Variants in TASP1 observed in about 807,000 individuals in gnomAD.
TASP1 encodes the protein taspase 1.
Under a neutral mutation model 56.6 loss-of-function variants are expected in TASP1, and 16 were observed. The observed-to-expected ratio is 0.28, with a 90% CI of 0.19 to 0.43. The LOEUF (loss-of-function observed/expected upper bound fraction) is 0.43, where lower values mean the gene tolerates loss of function less well. Ranked by LOEUF, TASP1 falls within the 20% of genes least tolerant of loss-of-function variation. The pLI is 1.00. For missense variants in TASP1, 393 were observed against 511.6 expected (o/e 0.77, Z 2.24); for synonymous variants, 179 against 184.2 (o/e 0.97, Z 0.23).
At chr20:13,633,851 T>C (rs1243293427) in intron 1 of TASP1, among the ~76,000 whole-genome samples, 2 of 151,812 alleles carry the variant, frequency 1.3e-5, no homozygotes, top group South Asian at 4.2e-4. Flanking sequence ...AAAACTTCTA[T>C]CAATCACTTT....
chr20:13,318,929 A>T, the TASP1 span, among the ~76,000 whole-genome samples: 6 of 152,328 alleles, frequency 3.9e-5, no homozygotes, highest in African/African-American at 1.4e-4. Flanking sequence ...AAACTATGCT[A>T]TGTGTTACTA....
the TASP1 span, among the ~76,000 whole-genome samples, chr20:13,155,667 A>G: frequency 6.6e-6 from 1 of 152,078 alleles, no homozygotes; most frequent in East Asian, 1.9e-4. Context: ...TCTACAAAAA[A>G]TACAAAAAAC....
At chr20:13,212,502 C>G in the TASP1 span, among the ~76,000 whole-genome samples, 12 of 152,278 alleles carry the variant, frequency 7.9e-5, no homozygotes, top group East Asian at 2.3e-3. Flanking sequence ...TGTTAACTCA[C>G]AGAAACACAC....
rs1601394155 is a variant in TASP1, at chr20:13,598,478, T to G, written c.283-11108A>C. ...ATGGTGCTGGGAAAACTGGCTAGCC[T>G]TATGTAGAAAGCTGAAACTGGATCC... On this transcript the variant is annotated intron_variant, in intron 4 of 13. Transcript: ENST00000337743. Among the ~76,000 whole-genome samples the G allele has an allele frequency of 2.6e-5, 4 of 152,176 alleles. No homozygotes were observed. The South Asian group carries it at 6.2e-4, about 24-fold the overall frequency.
chr20:13,186,897 C>A, the TASP1 span, among the ~76,000 whole-genome samples: 2 of 152,270 alleles, frequency 1.3e-5, no homozygotes, highest in Admixed American at 1.3e-4. Flanking sequence ...ATCTTCATAA[C>A]TAGACTTAGA....
the TASP1 span, among the ~76,000 whole-genome samples, chr20:13,215,222 T>C: frequency 6.6e-6 from 1 of 152,248 alleles, no homozygotes; most frequent in African/African-American, 2.4e-5. Context: ...GAATGTCTAT[T>C]TAATTCTCTG....
At chr20:13,418,527 C>T (rs2042336186) in intron 12 of TASP1, among the ~76,000 whole-genome samples, 1 of 152,130 alleles carries the variant, frequency 6.6e-6, no homozygotes, top group African/African-American at 2.4e-5. Flanking sequence ...CAAAGCTCTT[C>T]CTTCAGCAGA....
chr20:13,241,117 C>G, the TASP1 span, among the ~76,000 whole-genome samples: 8 of 151,996 alleles, frequency 5.3e-5, no homozygotes, highest in Non-Finnish European at 1.2e-4. Context: ...AAAGATGAGG[C>G]CAGAGAAGTG....
In TASP1 at chr20:13,539,012, C is replaced by T. The variant is rs1196431376; in HGVS notation, c.676-4871G>A. ...GCAGTGAGCCGAGATCACGCCACTG[C>T]ACTCCAGCCTGGGTGACACAGTGAG... On this transcript the variant is annotated intron_variant, in intron 8 of 13. Transcript: ENST00000337743. Among the ~76,000 whole-genome samples the T allele has an allele frequency of 2.0e-5, 3 of 152,146 alleles. No homozygotes were observed. The East Asian group carries it at 5.8e-4, about 29-fold the overall frequency.
intron 11 of TASP1, among the ~76,000 whole-genome samples, chr20:13,454,837 C>T (rs1448439124): frequency 6.6e-6 from 1 of 152,076 alleles, no homozygotes; most frequent in Non-Finnish European, 1.5e-5. Context: ...CATCCTAATT[C>T]AGCAGAGCTC....
At chr20:13,112,504 AC>A in the TASP1 span, among the ~76,000 whole-genome samples, 1 of 152,130 alleles carries the variant, frequency 6.6e-6, no homozygotes, top group Non-Finnish European at 1.5e-5. Context: ...GGTGAAATAG[AC>A]CCTACCCCCT....
chr20:13,577,669 AG>A (rs1329733513), intron 6 of TASP1, among the ~76,000 whole-genome samples: 1 of 152,174 alleles, frequency 6.6e-6, no homozygotes. Context: ...TGAGAAGGCA[AG>A]CCAGAAAAGG....
At chr20:13,475,479 T>C (rs1014123803) in intron 11 of TASP1, among the ~76,000 whole-genome samples, 1 of 152,188 alleles carries the variant, frequency 6.6e-6, no homozygotes, top group African/African-American at 2.4e-5. Flanking sequence ...GGCAGGCACA[T>C]GTTCCACTTT....
chr20:13,512,018 G>A (rs1326889800), intron 10 of TASP1, among the ~76,000 whole-genome samples: 1 of 151,990 alleles, frequency 6.6e-6, no homozygotes, highest in Non-Finnish European at 1.5e-5. Flanking sequence ...ATGGACACTT[G>A]GGTTGGTTCC....
chr20:13,403,817 G>C (rs1179266952), intron 13 of TASP1, among the ~76,000 whole-genome samples: 1 of 152,076 alleles, frequency 6.6e-6, no homozygotes, highest in Non-Finnish European at 1.5e-5. Flanking sequence ...AGGAATTTGA[G>C]GTTACAGTGA....
the TASP1 span, among the ~76,000 whole-genome samples, chr20:13,250,267 G>T: frequency 1.3e-5 from 2 of 152,106 alleles, no homozygotes; most frequent in Admixed American, 1.3e-4. Context: ...TCCAATTTTA[G>T]GTTTGGAATA....
intron 13 of TASP1, among the ~76,000 whole-genome samples, chr20:13,413,676 A>G (rs1303846026): frequency 6.6e-6 from 1 of 152,198 alleles, no homozygotes; most frequent in Non-Finnish European, 1.5e-5. Flanking sequence ...CAAGACCCAA[A>G]GAACTAATCA....
chr20:13,393,463 A>AG (rs2041371944), intron 13 of TASP1: 2 of 789,788 alleles, frequency 2.5e-6, no homozygotes, highest in African/African-American at 3.4e-5. Context: ...GTGGTGAAGC[A>AG]GGTGTCAGAG....
the TASP1 span, among the ~76,000 whole-genome samples, chr20:13,359,489 C>T: frequency 4.0e-5 from 6 of 151,592 alleles, no homozygotes; most frequent in East Asian, 9.8e-4. Context: ...TGCCGAGCTT[C>T]GGGTAACTCT....
Sources: gnomAD v4.1 joint callset for allele counts (sites outside exome capture counted in the v4.1 genomes callset) on GRCh38, gnomAD v4.1.1 for gene constraint, MANE v1.5 for transcripts, NCBI Gene and HGNC (gene_info 2026-07-23, HGNC 2026-07-21) for gene names.